Variants in RAB34 observed in about 807,000 individuals in gnomAD.
The protein encoded by RAB34 is ras-related protein Rab-34.
Under a neutral mutation model 39.0 loss-of-function variants are expected in RAB34, and 33 were observed. That is an observed-to-expected ratio of 0.85 (90% CI 0.64 to 1.13). RAB34 has a LOEUF of 1.13. RAB34 is among the 50% of genes most tolerant of loss of function. The probability of loss-of-function intolerance (pLI) is 0.00; values close to 1 mark genes in which losing one functional copy is unlikely to be tolerated. For missense variants in RAB34, 289 were observed against 326.1 expected, an observed-to-expected ratio of 0.89 and a Z score of 0.88; for synonymous variants, 135 against 125.1, an observed-to-expected ratio of 1.08 and a Z score of -0.53.
At chr17:28,718,363 T>G, upstream of RAB34, 2 of 1,015,974 alleles carry the variant, frequency 2.0e-6, no homozygotes, top group African/African-American at 1.7e-5. Flanking sequence ...TAGAATGAGG[T>G]GCCCACCGAG....
At position 28,717,510 on chromosome 17, in the gene RAB34, A is replaced by C; in HGVS notation, c.-244T>G. On this transcript the variant is annotated 5_prime_UTR_variant, in exon 1 of 10. Coordinates refer to ENST00000395245, the MANE Select transcript of RAB34 (RefSeq NM_031934.6). ...ATCACCCGGGCCCTGGGCGTCCCGA[A>C]GATGACTCTGGGGCGAGGAGACTCT... 1 of 1,430,416 alleles carries C rather than the reference A, an allele frequency of 7.0e-7. No individual in the cohort carries two copies. The highest frequency in any genetic ancestry group is 9.1e-7 in the Non-Finnish European group (1 of 1,094,860). 88.6% of individuals were successfully genotyped at this position (1,430,416 alleles called of 1,614,324 possible).
In RAB34 at chr17:28,716,047, G is replaced by A. The variant is rs1471709541; in HGVS notation, c.158C>T (p.Ser53Phe). 1.9e-6 allele frequency: 3 copies of A among 1,613,964 alleles called. No homozygotes were observed. Among genetic ancestry groups the A allele is most frequent in the Non-Finnish European group, 2.5e-6 (3 of 1,180,026 alleles). The change falls in exon 3 of 10, where the codon TCC becomes TTC. Residue 53 changes from serine to phenylalanine, a missense_variant. Coordinates refer to ENST00000395245, the MANE Select transcript of RAB34 (RefSeq NM_031934.6). ...CAGGTCCCCCACCACAATGACCTTG[G>A]AGATCTTAAATCTGCTGGACACAAG... is the stretch of plus-strand genomic sequence containing the variant. ...HRTGTVGFKI[S>F]KVIVVGDLSV...
chr17:28,717,373 G>T lies in RAB34; in HGVS notation c.-107C>A. The T allele has an allele frequency of 1.3e-6, 2 of 1,527,486 alleles. No individual in the cohort carries two copies. The highest frequency in any genetic ancestry group is 1.2e-5 in the South Asian group (1 of 83,788). 94.6% of individuals were successfully genotyped at this position (1,527,486 alleles called of 1,614,324 possible). ...CGATCACCCGCGGCCGGGGTGTCCC[G>T]ACTACAACTCGGGGCCACGGGGACC... On this transcript the variant is annotated 5_prime_UTR_variant, in exon 1 of 10. Transcript: ENST00000395245.
chr17:28,715,314 T>C, intron 6 of RAB34, 38 bp from the exon 7 acceptor site: 1 of 1,599,664 alleles, frequency 6.3e-7, no homozygotes, highest in Non-Finnish European at 8.5e-7. Context: ...TGAGTGAGTC[T>C]GCAGGGCCCC....
Position 28,717,249 on chromosome 17 carries a change from G to T in RAB34, c.18C>A (p.Pro6=). Reference sequence around the variant, plus strand: ...CCGCCAGGACGCGATCCCTCCGCACGGGTGCCAGAATGTTCATCCTGCCTG... The same window carrying T: ...CCGCCAGGACGCGATCCCTCCGCACTGGTGCCAGAATGTTCATCCTGCCTG... MNILA[P]VRRDRVLAEL... The change falls in exon 1 of 10, where the codon CCC becomes CCA. Residue 6 remains proline, a synonymous_variant. Transcript: ENST00000395245. 1.2e-6 allele frequency: 2 copies of T among 1,606,192 alleles called. No individual in the cohort carries two copies. Among genetic ancestry groups the T allele is most frequent in the Non-Finnish European group, 8.5e-7 (1 of 1,178,610 alleles).
Position 28,716,948 on chromosome 17 carries a change from G to A in RAB34, c.101C>T (p.Pro34Leu). 1 of 1,613,654 alleles carries A rather than the reference G, an allele frequency of 6.2e-7. No individual in the cohort carries two copies. Among genetic ancestry groups the A allele is most frequent in the Non-Finnish European group, 8.5e-7 (1 of 1,179,928 alleles). The change falls in exon 2 of 10, where the codon CCC (proline) becomes CTC (leucine). Residue 34 changes from proline (P) to leucine (L), a missense_variant. Pro to Leu is a moderately conservative substitution (Grantham distance 98, BLOSUM62 -3). Transcript: ENST00000395245. ...AALHGHKDFH[P>L]RVTCACQEHR... ...CTCCTGGCAGGCGCAGGTGACGCGG[G>A]GGTGGAAGTCTTTGTGCCCGTGCAA...
chr17:28,716,848 T>A, intron 2 of RAB34, 55 bp downstream of exon 2: 1 of 1,572,306 alleles, frequency 6.4e-7, no homozygotes. Context: ...ACCCTCGCTA[T>A]GACTACAGAG....
rs1033627284 is a variant in RAB34, at chr17:28,717,637, C to T, written c.-371G>A. On this transcript the variant is annotated 5_prime_UTR_variant, in exon 1 of 10. Transcript: ENST00000395245. The stretch of plus-strand genomic sequence containing the variant: ...GGATAGTTCCTACGATTACGCGGGG[C>T]CGGATGGTTCCTACAATAACCCGGG... 3 of 1,377,694 alleles carry T rather than the reference C, an allele frequency of 2.2e-6. No homozygotes were observed. Among genetic ancestry groups the T allele is most frequent in the Non-Finnish European group, 2.8e-6 (3 of 1,070,818 alleles). The allele number at this position is 1,377,694 out of a possible 1,614,324, so 85.3% of individuals were successfully genotyped here.
chr17:28,714,945 G>A, intron 8 of RAB34, 45 bp from the exon 9 acceptor site: 1 of 1,596,738 alleles, frequency 6.3e-7, no homozygotes, highest in South Asian at 1.1e-5. Context: ...TGCTGGGTCT[G>A]GGGACACAGG....
rs750532684 is a variant in RAB34 at position 28,714,821 on chromosome 17, C to T, written c.684G>A (p.Ser228=). The T allele has an allele frequency of 8.1e-6, 13 of 1,614,024 alleles. No individual in the cohort carries two copies. The highest frequency in any genetic ancestry group is 1.6e-4 in the Middle Eastern group (1 of 6,084). ...EANVLAELEK[S]GARRIGDVVR... ...CAACATCCCCAATGCGTCGAGCCCCCGATTTCTCCAGCTCAGCCAGCACAT... is the reference window on the plus strand; with the variant it reads ...CAACATCCCCAATGCGTCGAGCCCCTGATTTCTCCAGCTCAGCCAGCACAT... The change falls in exon 9 of 10, where the codon TCG becomes TCA. Residue 228 remains serine, a synonymous_variant. Transcript: ENST00000395245.
Position 28,717,236 on chromosome 17 carries a change from G to T in RAB34, c.31C>A (p.Arg11Ser), listed in dbSNP as rs749161318. The T allele has an allele frequency of 3.7e-6, 6 of 1,605,910 alleles. No individual in the cohort carries two copies. In the African/African-American group the frequency reaches 5.3e-5, roughly 14 times the overall value. The change falls in exon 1 of 10, where the codon CGC becomes AGC. Residue 11 changes from arginine to serine, a missense_variant. By Grantham distance (110) the Arg-to-Ser change is moderately radical. Coordinates refer to ENST00000395245, the MANE Select transcript of RAB34 (RefSeq NM_031934.6). ...ACCTGGGGCAGCTCCGCCAGGACGC[G>T]ATCCCTCCGCACGGGTGCCAGAATG... is the stretch of plus-strand genomic sequence containing the variant. Reference protein sequence around the residue: MNILAPVRRDRVLAELPQCLR... With the variant: MNILAPVRRDSVLAELPQCLR...
chr17:28,718,005 G>C, upstream of RAB34: 1 of 1,260,898 alleles, frequency 7.9e-7, no homozygotes, highest in African/African-American at 1.6e-5. Flanking sequence ...CTCTTTTGAC[G>C]CTTCACCGGG....
rs761104064 is a variant in RAB34 at position 28,715,696 on chromosome 17, G to A, written c.324C>T (p.Thr108=). 2.4e-5 allele frequency: 39 copies of A among 1,613,864 alleles called. No individual in the cohort carries two copies. Among genetic ancestry groups the A allele is most frequent in the African/African-American group, 5.3e-5 (4 of 74,844 alleles). ...GIPFSLQLWD[T]AGQERFKCIA... is the part of the protein sequence containing the mutation. Reference sequence around the variant, plus strand: ...TGCATTTGAACCTCTCCTGCCCAGCGGTATCCCAACTGGAAGGAAGGAAGA... The same window carrying A: ...TGCATTTGAACCTCTCCTGCCCAGCAGTATCCCAACTGGAAGGAAGGAAGA... The change falls in exon 5 of 10, where the codon ACC becomes ACT. Residue 108 remains threonine, a synonymous_variant. Transcript: ENST00000395245.
In RAB34 at chr17:28,716,001, G is replaced by A. The variant is rs1226944325; in HGVS notation, c.204C>T (p.Leu68=). The change falls in exon 3 of 10, where the codon CTC becomes CTT. Residue 68 remains leucine, a synonymous_variant. Coordinates refer to ENST00000395245, the MANE Select transcript of RAB34 (RefSeq NM_031934.6). The stretch of plus-strand genomic sequence containing the variant: ...CTCCAGCACCCCCTTACCTATTAAT[G>A]AGGCAAGTCTTCCCCACCGACAGGT... ...VGDLSVGKTC[L]INRFCKDTFD... is the part of the protein sequence containing the mutation. 6.2e-7 allele frequency: 1 copy of A among 1,613,934 alleles called. No individual in the cohort carries two copies. Among genetic ancestry groups the A allele is most frequent in the East Asian group, 2.2e-5 (1 of 44,880 alleles).
chr17:28,716,844 G>T lies in RAB34; in HGVS notation c.146+59C>A, dbSNP rs1182926752. On this transcript the variant is annotated intron_variant, in intron 2 of 9. Transcript: ENST00000395245. ...CCCAAGGGGGTGGTTGTTTACCCTCGCTATGACTACAGAGTTTCCTGGGAC... is the reference window on the plus strand; with the variant it reads ...CCCAAGGGGGTGGTTGTTTACCCTCTCTATGACTACAGAGTTTCCTGGGAC... 7.0e-6 allele frequency: 11 copies of T among 1,563,468 alleles called. No individual in the cohort carries two copies. The Admixed American group carries it at 1.6e-4, about 23-fold the overall frequency.
upstream of RAB34, chr17:28,718,331 C>G (rs2033885920): frequency 1.4e-6 from 2 of 1,405,102 alleles, no homozygotes; most frequent in South Asian, 1.3e-5. Context: ...GGAGGGGAAG[C>G]GTGCGAAGGG....
chr17:28,718,286 C>T, upstream of RAB34: 1 of 1,531,620 alleles, frequency 6.5e-7, no homozygotes. Context: ...CCCCCTCTCG[C>T]CCTTCTGCCC....
chr17:28,717,283 C>T lies in RAB34; in HGVS notation c.-17G>A, dbSNP rs772362349. ...AATGTTCATCCTGCCTGCGGCCTTG[C>T]AGGGCGCCCTGAGAAGGCGCCGAGG... On this transcript the variant is annotated 5_prime_UTR_variant, in exon 1 of 10. Coordinates refer to ENST00000395245, the MANE Select transcript of RAB34 (RefSeq NM_031934.6). 2 of 1,594,222 alleles carry T rather than the reference C, an allele frequency of 1.3e-6. No individual in the cohort carries two copies. The highest frequency in any genetic ancestry group is 1.1e-5 in the South Asian group (1 of 89,138).
intron 1 of RAB34, 55 bp downstream of exon 1, chr17:28,717,158 T>A: frequency 6.4e-7 from 1 of 1,553,600 alleles, no homozygotes; most frequent in East Asian, 2.3e-5. Context: ...TGCCGCCTCC[T>A]CCTCGCCCAC....
Sources: allele counts gnomAD v4.1 joint callset, GRCh38; gene constraint gnomAD v4.1.1; transcripts MANE v1.5; gene names NCBI Gene and HGNC (gene_info 2026-07-23, HGNC 2026-07-21).